Variants in CDCP1 observed in about 807,000 individuals in gnomAD.
The protein encoded by CDCP1 is CUB domain-containing protein 1.
Under a neutral mutation model 60.2 loss-of-function variants are expected in CDCP1, and 29 were observed. The ratio of observed to expected loss-of-function variants is 0.48; its 90% confidence interval spans 0.36 to 0.66. The LOEUF is 0.66. Among genes scored for constraint, CDCP1 ranks in the 30% least tolerant of loss-of-function variants. CDCP1 has a pLI of 0.00. For synonymous variants in CDCP1, 387 were observed against 431.1 expected (o/e 0.90, Z 1.27); for missense variants, 876 against 1,074.3 (o/e 0.82, Z 2.58).
chr3:45,133,514 C>A (rs1279116866), intron 1 of CDCP1, among the ~76,000 whole-genome samples: 1 of 404 alleles, frequency 2.5e-3, no homozygotes, highest in East Asian at 0.12. Context: ...GTCAGGAGAT[C>A]GAGACCATCC....
chr3:45,108,890 T>TGTATAC, intron 4 of CDCP1, among the ~76,000 whole-genome samples: 1 of 48,162 alleles, frequency 2.1e-5, no homozygotes, highest in Non-Finnish European at 4.4e-5. Context: ...CATGTATACA[T>TGTATAC]ATATATATAT....
chr3:45,130,948 C>G (rs1041673799), intron 1 of CDCP1, among the ~76,000 whole-genome samples: 1 of 152,076 alleles, frequency 6.6e-6, no homozygotes, highest in Admixed American at 6.5e-5. Context: ...CTCACTGCAG[C>G]CTTGACCTCC....
At chr3:45,129,687 C>A (rs1699054851) in intron 1 of CDCP1, among the ~76,000 whole-genome samples, 1 of 152,168 alleles carries the variant, frequency 6.6e-6, no homozygotes. Context: ...CAAAGGCCCA[C>A]AGCTCCCCTC....
At chr3:45,111,122 G>A (rs962742524) in intron 3 of CDCP1, among the ~76,000 whole-genome samples, 1 of 152,224 alleles carries the variant, frequency 6.6e-6, no homozygotes, top group East Asian at 1.9e-4. Flanking sequence ...ATCCCACCAC[G>A]GTTGATTTCA....
chr3:45,107,554 T>C (rs920315447), intron 4 of CDCP1, among the ~76,000 whole-genome samples: 8 of 152,100 alleles, frequency 5.3e-5, no homozygotes, highest in African/African-American at 1.9e-4. Context: ...CCTAGAACCC[T>C]GCAGGAAACA....
At chr3:45,137,875 G>A (rs749028946) in intron 1 of CDCP1, among the ~76,000 whole-genome samples, 10 of 151,914 alleles carry the variant, frequency 6.6e-5, no homozygotes, top group Non-Finnish European at 1.3e-4. Context: ...GCCCAAGGCT[G>A]AAGTACCTGA....
intron 1 of CDCP1, among the ~76,000 whole-genome samples, chr3:45,145,699 G>A (rs987051996): frequency 1.1e-4 from 17 of 152,194 alleles, no homozygotes; most frequent in African/African-American, 3.6e-4. Context: ...GATCTAGTGG[G>A]AAATGCGGAC....
chr3:45,098,669 C>T (rs1456102686), intron 4 of CDCP1, among the ~76,000 whole-genome samples: 2 of 151,728 alleles, frequency 1.3e-5, no homozygotes, highest in Non-Finnish European at 2.9e-5. Flanking sequence ...TTCCCATTCT[C>T]CCATCTTCCT....
intron 1 of CDCP1, among the ~76,000 whole-genome samples, chr3:45,124,661 A>G (rs2126002965): frequency 6.6e-6 from 1 of 152,332 alleles, no homozygotes; most frequent in Non-Finnish European, 1.5e-5. Context: ...CAACAAGTCC[A>G]GCAGCTGGTG....
intron 4 of CDCP1, 122 bp from the exon 5 acceptor site, chr3:45,095,690 T>C: frequency 4.2e-6 from 3 of 722,040 alleles, no homozygotes; most frequent in South Asian, 3.5e-5. Context: ...GGATGGATAA[T>C]GTTGGGAAAA....
At chr3:45,106,249 A>G (rs1482282607) in intron 4 of CDCP1, among the ~76,000 whole-genome samples, 1 of 152,126 alleles carries the variant, frequency 6.6e-6, no homozygotes, top group East Asian at 1.9e-4. Flanking sequence ...CCTGCTGTAG[A>G]TAATGAGGGG....
At chr3:45,109,661 C>T (rs1444369405) in intron 4 of CDCP1, among the ~76,000 whole-genome samples, 1 of 151,982 alleles carries the variant, frequency 6.6e-6, no homozygotes, top group Non-Finnish European at 1.5e-5. Context: ...TGAGGCAAGC[C>T]AGGCACCTAG....
chr3:45,140,028 G>A (rs77896201), intron 1 of CDCP1, among the ~76,000 whole-genome samples: 21,450 of 152,210 alleles, frequency 0.14, 1,677 homozygotes, highest in Middle Eastern at 0.27. Flanking sequence ...AGATGTTCCC[G>A]CCTCCAGATC....
intron 4 of CDCP1, among the ~76,000 whole-genome samples, chr3:45,100,933 G>A (rs1348897022): frequency 6.6e-6 from 1 of 152,216 alleles, no homozygotes; most frequent in African/African-American, 2.4e-5. Flanking sequence ...AAATTATGCT[G>A]CAGCAACAAA....
chr3:45,097,174 G>A (rs982962296), intron 4 of CDCP1, among the ~76,000 whole-genome samples: 4 of 151,984 alleles, frequency 2.6e-5, no homozygotes, highest in Admixed American at 2.6e-4. Context: ...GGGCATGGTG[G>A]TGGGCGCCTG....
intron 4 of CDCP1, among the ~76,000 whole-genome samples, chr3:45,097,237 G>T (rs1292150186): frequency 6.6e-6 from 1 of 151,732 alleles, no homozygotes; most frequent in Non-Finnish European, 1.5e-5. Flanking sequence ...AACCCAGGAG[G>T]TGGAGGTTGC....
At chr3:45,132,082 C>T (rs760178941) in intron 1 of CDCP1, among the ~76,000 whole-genome samples, 20 of 151,920 alleles carry the variant, frequency 1.3e-4, no homozygotes, top group Non-Finnish European at 2.8e-4. Context: ...TAAAAAAATA[C>T]AAAAATTAGC....
chr3:45,125,319 C>A (rs1698959743), intron 1 of CDCP1, among the ~76,000 whole-genome samples: 1 of 152,118 alleles, frequency 6.6e-6, no homozygotes, highest in Non-Finnish European at 1.5e-5. Flanking sequence ...CCCACTGGGA[C>A]CAGCACACCT....
At chr3:45,097,305 T>A (rs1248462261) in intron 4 of CDCP1, among the ~76,000 whole-genome samples, 2 of 139,326 alleles carry the variant, frequency 1.4e-5, no homozygotes, top group African/African-American at 2.7e-5. Context: ...AGACTCTGTC[T>A]CCAAAAAAAA....
Sources: allele counts gnomAD v4.1 joint callset (sites outside exome capture counted in the v4.1 genomes callset), GRCh38; gene constraint gnomAD v4.1.1; transcripts MANE v1.5; gene names NCBI Gene and HGNC (gene_info 2026-07-23, HGNC 2026-07-21).